ROCK2: variants seen among roughly 807,000 people sequenced by gnomAD.
The protein encoded by ROCK2 is rho-associated protein kinase 2.
In ROCK2, 61 loss-of-function variants were observed where a neutral mutation model predicts 195.1. The ratio of observed to expected loss-of-function variants is 0.31; its 90% CI spans 0.25 to 0.39. ROCK2 has a LOEUF of 0.39. Ranked by LOEUF, ROCK2 falls within the 10% of genes least tolerant of loss-of-function variation. The pLI is 1.00. For synonymous variants in ROCK2, 504 were observed against 545.5 expected (o/e 0.92, Z 1.06); for missense variants, 1,109 against 1,637.4 (o/e 0.68, Z 5.57).
intron 3 of ROCK2, among the ~76,000 whole-genome samples, chr2:11,270,244 A>G (rs796899828): frequency 5.9e-5 from 9 of 152,280 alleles, no homozygotes; most frequent in African/African-American, 2.2e-4. Flanking sequence ...CTGTATAGGT[A>G]AAGTGTGGTT....
At chr2:11,217,595 G>C (rs1235547035) in intron 11 of ROCK2, among the ~76,000 whole-genome samples, 1 of 152,128 alleles carries the variant, frequency 6.6e-6, no homozygotes, top group Non-Finnish European at 1.5e-5. Flanking sequence ...AACTGAATAT[G>C]CTCAAAGTAA....
Position 11,216,161 on chromosome 2 carries a change from C to T in ROCK2, c.1458G>A (p.Glu486=), listed in dbSNP as rs1327722193. The change falls in exon 13 of 33, where the codon GAG becomes GAA. Residue 486 remains glutamate (E), a synonymous_variant. Transcript: ENST00000315872. ...TAAAAAAGTGGGGCAACTTTACCTCCTCTTCTAGCTCCTTTGCTGTTTTTT... is the reference window on the plus strand; with the variant it reads ...TAAAAAAGTGGGGCAACTTTACCTCTTCTTCTAGCTCCTTTGCTGTTTTTT... ...RLEKTAKELE[E]EITLRKSVES... 2 of 1,612,710 alleles carry T rather than the reference C, an allele frequency of 1.2e-6. No homozygotes were observed. Among genetic ancestry groups the T allele is most frequent in the South Asian group, 1.1e-5 (1 of 91,012 alleles).
intron 1 of ROCK2, among the ~76,000 whole-genome samples, chr2:11,295,966 A>AAGAGAG (rs11413362): frequency 0.023 from 1,768 of 77,694 alleles, 61 homozygotes; most frequent in Non-Finnish European, 0.029. Context: ...CAAAAAACAA[A>AAGAGAG]AGAGAGAGAG....
chr2:11,266,977 A>G (rs975325381), intron 3 of ROCK2, among the ~76,000 whole-genome samples: 11 of 152,208 alleles, frequency 7.2e-5, no homozygotes. Context: ...AGCCTTCTTT[A>G]TTTATACATC....
chr2:11,190,142 T>TATCCAAAAACA (rs1663362245), intron 32 of ROCK2, among the ~76,000 whole-genome samples: 1 of 152,152 alleles, frequency 6.6e-6, no homozygotes, highest in Non-Finnish European at 1.5e-5. Context: ...ATCCAAATTA[T>TATCCAAAAACA]ATTATAAATG....
In ROCK2 at chr2:11,296,543, A is replaced by G. The variant is rs566768351; in HGVS notation, c.142-8807T>C. ...TAAATTTCTGCTTCATCTCCAAACAATATCACTCAATAAATGTTAGCTATT... is the reference window on the plus strand; with the variant it reads ...TAAATTTCTGCTTCATCTCCAAACAGTATCACTCAATAAATGTTAGCTATT... On this transcript the variant is annotated intron_variant, in intron 1 of 32. Transcript: ENST00000315872. 2.6e-5 allele frequency among the ~76,000 whole-genome samples: 4 copies of G among 152,326 alleles called. No individual in the cohort carries two copies. In the South Asian group the frequency reaches 8.3e-4, roughly 32 times the overall value.
intron 3 of ROCK2, among the ~76,000 whole-genome samples, chr2:11,260,448 C>CAAAAAAA (rs35308782): frequency 1.1e-5 from 1 of 91,526 alleles, no homozygotes; most frequent in Non-Finnish European, 2.0e-5. Context: ...ACTCTGTCTC[C>CAAAAAAA]AAAAAAAAAA....
rs183346454 is a variant in ROCK2, at chr2:11,275,115, G to A, written c.324+11424C>T. ...CTACTAAAAATACAAAAATTAGCCA[G>A]GCGTGGCGGCAGGCACCTGTAATCC... On this transcript the variant is annotated intron_variant, in intron 3 of 32. Coordinates refer to ENST00000315872, the MANE Select transcript of ROCK2 (RefSeq NM_004850.5). 1.1e-3 allele frequency among the ~76,000 whole-genome samples: 162 copies of A among 152,040 alleles called. 1 individual carries two copies. Among genetic ancestry groups the A allele is most frequent in the Non-Finnish European group, 1.7e-3 (118 of 67,996 alleles).
chr2:11,342,476 C>A (rs1253490444), intron 1 of ROCK2, among the ~76,000 whole-genome samples: 3 of 152,160 alleles, frequency 2.0e-5, no homozygotes, highest in Non-Finnish European at 4.4e-5. Flanking sequence ...CATTAAAGAT[C>A]TAAGATATCA....
In ROCK2 at chr2:11,264,831, A is replaced by T. The variant is rs563509265; in HGVS notation, c.325-15033T>A. Among the ~76,000 whole-genome samples the T allele has an allele frequency of 2.0e-5, 3 of 152,340 alleles. No homozygotes were observed. The East Asian group carries it at 5.8e-4, about 29-fold the overall frequency. On this transcript the variant is annotated intron_variant, in intron 3 of 32. Coordinates refer to ENST00000315872, the MANE Select transcript of ROCK2 (RefSeq NM_004850.5). ...GAAAAAATCCTTTCAAGAAATGAAG[A>T]TATGTGAATATTACTAAGAGTTTGA...
At chr2:11,210,396 T>G (rs909842632) in intron 18 of ROCK2, among the ~76,000 whole-genome samples, 2 of 152,008 alleles carry the variant, frequency 1.3e-5, no homozygotes, top group African/African-American at 4.8e-5. Flanking sequence ...CATGGCTCAC[T>G]GCAGCCTTGA....
chr2:11,269,710 CCT>C (rs760802573), intron 3 of ROCK2, among the ~76,000 whole-genome samples: 48 of 152,178 alleles, frequency 3.2e-4, no homozygotes, highest in Non-Finnish European at 7.1e-4. Flanking sequence ...TTGTTACTCC[CCT>C]CTCTTTTCAG....
At chr2:11,320,831 G>A (rs981114471) in intron 1 of ROCK2, among the ~76,000 whole-genome samples, 1 of 152,114 alleles carries the variant, frequency 6.6e-6, no homozygotes, top group Non-Finnish European at 1.5e-5. Context: ...TGAGCCAAGT[G>A]GTCACCCTGG....
chr2:11,214,940 G>T lies in ROCK2; in HGVS notation c.1836C>A (p.Ala612=). The change falls in exon 16 of 33, where the codon GCC becomes GCA. Residue 612 remains alanine (A), a synonymous_variant. Coordinates refer to ENST00000315872, the MANE Select transcript of ROCK2 (RefSeq NM_004850.5). ...LQDKNCLLET[A]KLKLEKEFIN... is the part of the protein sequence containing the mutation. ...TAAATTCCTTTTCAAGTTTTAACTT[G>T]GCAGTCTCCAGCAGGCAGTTTTTAT... 1 of 1,614,052 alleles carries T rather than the reference G, an allele frequency of 6.2e-7. No homozygotes were observed. The highest frequency in any genetic ancestry group is 1.1e-5 in the South Asian group (1 of 91,074).
chr2:11,243,624 T>G (rs1184192566), intron 4 of ROCK2, among the ~76,000 whole-genome samples: 1 of 151,974 alleles, frequency 6.6e-6, no homozygotes, highest in Non-Finnish European at 1.5e-5. Flanking sequence ...ATCAGACAAA[T>G]TCCTACAGAG....
chr2:11,306,253 C>A (rs1667855692), intron 1 of ROCK2, among the ~76,000 whole-genome samples: 1 of 152,174 alleles, frequency 6.6e-6, no homozygotes, highest in African/African-American at 2.4e-5. Context: ...ACTTTGGACT[C>A]ACTATTTCCT....
At chr2:11,248,246 G>A (rs1425398344) in intron 4 of ROCK2, among the ~76,000 whole-genome samples, 1 of 151,754 alleles carries the variant, frequency 6.6e-6, no homozygotes, top group Admixed American at 6.6e-5. Context: ...AATCTGAACT[G>A]CCTTCCACAA....
rs751738806 is a variant in ROCK2 at position 11,344,020 on chromosome 2, G to A, written c.117C>T (p.Ser39=). 6.3e-7 allele frequency: 1 copy of A among 1,590,424 alleles called. No individual in the cohort carries two copies. The highest frequency in any genetic ancestry group is 8.6e-7 in the Non-Finnish European group (1 of 1,169,516). Residue 39 remains serine (S), a synonymous_variant, in exon 1 of 33, where the codon TCC becomes TCT. Transcript: ENST00000315872. This position sits in a 1 kb window ranked among gnomAD's most constrained non-coding sequence, Gnocchi z 5.4. ...CCAGCAAGCTCTCCACGTTGATGGG[G>A]GAGCGAGGGTCTCGGATCAGCGCCT... is the stretch of plus-strand genomic sequence containing the variant. ...KLEALIRDPR[S]PINVESLLDG...
chr2:11,226,452 G>A lies in ROCK2; in HGVS notation c.868+802C>T, dbSNP rs139557521. On this transcript the variant is annotated intron_variant, in intron 6 of 32. Coordinates refer to ENST00000315872, the MANE Select transcript of ROCK2 (RefSeq NM_004850.5). ...ACACTGTATTTATAATTTATTTCACGAGAATTACAAACAATATATATGCAA... is the reference window on the plus strand; with the variant it reads ...ACACTGTATTTATAATTTATTTCACAAGAATTACAAACAATATATATGCAA... Among the ~76,000 whole-genome samples the A allele has an allele frequency of 2.6e-5, 4 of 152,042 alleles. No individual in the cohort carries two copies. In the East Asian group the frequency reaches 5.8e-4, roughly 22 times the overall value.
Sources: allele counts gnomAD v4.1 joint callset (sites outside exome capture counted in the v4.1 genomes callset), GRCh38; gene constraint gnomAD v4.1.1; non-coding constraint Gnocchi (gnomAD v3.1); transcripts MANE v1.5; gene names NCBI Gene and HGNC (gene_info 2026-07-23, HGNC 2026-07-21).